The following ZC3H3 variants were observed in gnomAD, a reference collection of about 807,000 sequenced individuals.
The protein encoded by ZC3H3 is zinc finger CCCH domain-containing protein 3.
A neutral mutation model predicts 77.3 loss-of-function variants in ZC3H3; 36 were observed. The ratio of observed to expected loss-of-function variants is 0.47; its 90% CI spans 0.36 to 0.61. ZC3H3 has a LOEUF of 0.61. Ranked by LOEUF, ZC3H3 falls within the 20% of genes least tolerant of loss-of-function variation. ZC3H3 has a pLI of 0.00. For synonymous variants in ZC3H3, 626 were observed against 555.2 expected, an observed-to-expected ratio of 1.13 and a Z score of -1.79; for missense variants, 1,331 against 1,312.2, an observed-to-expected ratio of 1.01 and a Z score of -0.22.
In ZC3H3 at chr8:143,475,530, G is replaced by A. The variant is rs749312899; in HGVS notation, c.1771C>T (p.Pro591Ser). 1.9e-5 allele frequency: 30 copies of A among 1,611,240 alleles called. No homozygotes were observed. In the East Asian group the frequency reaches 6.7e-4, roughly 36 times the overall value. The change falls in exon 5 of 12, where the codon CCG becomes TCG. Residue 591 changes from proline to serine, a missense_variant. Around this residue, in one of 3 missense-constraint regions of ZC3H3, gnomAD observed 978 missense variants for 915.5 expected, o/e 1.07. Transcript: ENST00000262577. ...TTGCTCCGCCACCAAGGGGAGCCCG[G>A]TTGGGCTTTCCCACCCCCGCTGGCA... ...PVASGGGKAQPGSPWWRSKGY... is the reference protein window; with the variant it reads ...PVASGGGKAQSGSPWWRSKGY...
intron 3 of ZC3H3, among the ~76,000 whole-genome samples, chr8:143,527,182 TGA>T (rs1054926902): frequency 6.6e-6 from 1 of 152,152 alleles, no homozygotes; most frequent in African/African-American, 2.4e-5. Context: ...GGTGGACTCC[TGA>T]GAGAGGCCAC....
chr8:143,455,239 A>G lies in ZC3H3; in HGVS notation c.2307+10478T>C, dbSNP rs60206661. Among the ~76,000 whole-genome samples, 219 of 152,262 alleles carry G rather than the reference A, an allele frequency of 1.4e-3. 1 individual carries two copies. The highest frequency in any genetic ancestry group is 4.6e-3 in the African/African-American group (192 of 41,560). On this transcript the variant is annotated intron_variant, in intron 9 of 11. Coordinates refer to ENST00000262577, the MANE Select transcript of ZC3H3 (RefSeq NM_015117.3). The stretch of plus-strand genomic sequence containing the variant: ...TGAAAAAGGAGAATCACTTGAACCC[A>G]GGAGATGGAGGGTGCAGTGAGCCAA...
intron 9 of ZC3H3, among the ~76,000 whole-genome samples, chr8:143,456,293 A>C (rs1439472103): frequency 1.3e-5 from 2 of 152,222 alleles, no homozygotes; most frequent in Non-Finnish European, 2.9e-5. Flanking sequence ...TGATACACTT[A>C]AGCCCTAATA....
rs1821129138 is a variant in ZC3H3, at chr8:143,489,159, G to A, written c.1716-13574C>T. Reference sequence around the variant, plus strand: ...TCAGCTTGTGTCTACCTGGCCAAATGTCATTGCCTGCAGGGAGCCTTCCAG... The same window carrying A: ...TCAGCTTGTGTCTACCTGGCCAAATATCATTGCCTGCAGGGAGCCTTCCAG... On this transcript the variant is annotated intron_variant, in intron 4 of 11. Transcript: ENST00000262577. Among the ~76,000 whole-genome samples the A allele has an allele frequency of 2.0e-5, 3 of 152,246 alleles. No individual in the cohort carries two copies. In the South Asian group the frequency reaches 6.2e-4, roughly 32 times the overall value.
Position 143,468,556 on chromosome 8 carries a change from G to A in ZC3H3, c.1947-16C>T. 6.2e-7 allele frequency: 1 copy of A among 1,604,298 alleles called. No homozygotes were observed. Among genetic ancestry groups the A allele is most frequent in the Non-Finnish European group, 8.5e-7 (1 of 1,176,168 alleles). On this transcript the variant is annotated splice_polypyrimidine_tract_variant and intron_variant, in intron 6 of 11. Transcript: ENST00000262577. ...CACTGCCCGGCTGCAGACGGGGAGA[G>A]AGGTGCGTGAGCCTGAGGGCGAGCA...
intron 4 of ZC3H3, among the ~76,000 whole-genome samples, chr8:143,481,435 TGAG>T (rs1231907564): frequency 2.6e-5 from 4 of 152,106 alleles, no homozygotes; most frequent in African/African-American, 9.6e-5. Context: ...TGTCTGTGCT[TGAG>T]GAGAACACCT....
chr8:143,476,860 C>G (rs1820748610), intron 4 of ZC3H3, among the ~76,000 whole-genome samples: 1 of 152,252 alleles, frequency 6.6e-6, no homozygotes, highest in African/African-American at 2.4e-5. Context: ...CTGAGCCCCC[C>G]AACCCATCCA....
chr8:143,538,819 C>T lies in ZC3H3; in HGVS notation c.548G>A (p.Cys183Tyr), dbSNP rs149056367. 129 of 1,612,226 alleles carry T rather than the reference C, an allele frequency of 8.0e-5. No homozygotes were observed. The highest frequency in any genetic ancestry group is 1.1e-4 in the Non-Finnish European group (125 of 1,179,750). ...PSRPTRARGT[C>Y]SVEDPLLVCQ... is the part of the protein sequence containing the mutation. ...GACCAGAAGAGGATCTTCCACACTG[C>T]AGGTCCCCCTGGCTCTTGTTGGCCT... The change falls in exon 2 of 12, where the codon TGC becomes TAC. Residue 183 changes from cysteine (C) to tyrosine (Y), a missense_variant. This residue lies in a region of ZC3H3 where 978 missense variants were observed against 915.5 expected (regional missense o/e 1.07). Transcript: ENST00000262577.
intron 4 of ZC3H3, among the ~76,000 whole-genome samples, chr8:143,481,770 A>G (rs1169183343): frequency 6.6e-6 from 1 of 152,150 alleles, no homozygotes; most frequent in East Asian, 1.9e-4. Flanking sequence ...TCCTGCTCCC[A>G]CAGCCAGGCC....
intron 3 of ZC3H3, among the ~76,000 whole-genome samples, chr8:143,516,289 C>T (rs1267858250): frequency 2.0e-5 from 3 of 152,184 alleles, no homozygotes; most frequent in Admixed American, 6.5e-5. Context: ...GGACCTCAAA[C>T]GCTGCAGACA....
intron 3 of ZC3H3, among the ~76,000 whole-genome samples, chr8:143,532,425 C>A (rs1401804211): frequency 6.6e-6 from 1 of 152,240 alleles, no homozygotes; most frequent in Non-Finnish European, 1.5e-5. Flanking sequence ...GGGACACTGC[C>A]GTCTCCTTGA....
At chr8:143,512,873 C>G (rs546226573) in intron 3 of ZC3H3, among the ~76,000 whole-genome samples, 2 of 152,286 alleles carry the variant, frequency 1.3e-5, no homozygotes, top group East Asian at 3.9e-4. Flanking sequence ...CTCAGTGGCG[C>G]GGGGAGGTAC....
intron 5 of ZC3H3, among the ~76,000 whole-genome samples, chr8:143,474,905 G>A (rs1489775849): frequency 2.0e-5 from 3 of 152,248 alleles, no homozygotes; most frequent in African/African-American, 2.4e-5. Flanking sequence ...TCGCCAATGC[G>A]ATTACGGGCG....
At chr8:143,480,695 C>A (rs929123561) in intron 4 of ZC3H3, among the ~76,000 whole-genome samples, 1 of 152,242 alleles carries the variant, frequency 6.6e-6, no homozygotes, top group African/African-American at 2.4e-5. Context: ...GTCCAGCCCT[C>A]TGAGCACCCG....
chr8:143,482,968 C>T (rs1358160459), intron 4 of ZC3H3, among the ~76,000 whole-genome samples: 1 of 152,140 alleles, frequency 6.6e-6, no homozygotes, highest in African/African-American at 2.4e-5. Flanking sequence ...GTGTGTGGGC[C>T]GGGGACCCAG....
intron 5 of ZC3H3, among the ~76,000 whole-genome samples, 167 bp downstream of exon 5, chr8:143,475,231 T>A (rs112839016): frequency 4.5e-4 from 69 of 152,356 alleles, no homozygotes; most frequent in African/African-American, 1.6e-3. Context: ...TTGTTTGGAC[T>A]GGCTCCCTGG....
At chr8:143,473,864 G>A (rs574576743) in intron 5 of ZC3H3, among the ~76,000 whole-genome samples, 36 of 152,308 alleles carry the variant, frequency 2.4e-4, no homozygotes, top group African/African-American at 8.4e-4. Flanking sequence ...GCCAGAGACT[G>A]GCCAGGGGCT....
intron 3 of ZC3H3, among the ~76,000 whole-genome samples, chr8:143,529,495 G>A (rs1417712120): frequency 6.6e-6 from 1 of 152,182 alleles, no homozygotes; most frequent in African/African-American, 2.4e-5. Flanking sequence ...AGGGCCCCAG[G>A]GACCTCTGAG....
At position 143,538,056 on chromosome 8, in the gene ZC3H3, C is replaced by T. The variant is rs778444385; in HGVS notation, c.1311G>A (p.Ser437=). 1.1e-5 allele frequency: 18 copies of T among 1,612,174 alleles called. No homozygotes were observed. The South Asian group carries it at 1.3e-4, about 12-fold the overall frequency. The change falls in exon 2 of 12, where the codon TCG becomes TCA. Residue 437 remains serine, a synonymous_variant. Transcript: ENST00000262577. ...LKPLSGETPL[S]AYKVKSRTKI... is the part of the protein sequence containing the mutation. ...TGGTGCGGCTCTTCACTTTGTAAGCCGAGAGCGGGGTCTCCCCAGAGAGGG... is the reference window on the plus strand; with the variant it reads ...TGGTGCGGCTCTTCACTTTGTAAGCTGAGAGCGGGGTCTCCCCAGAGAGGG...
Sources: allele counts gnomAD v4.1 joint callset (sites outside exome capture counted in the v4.1 genomes callset), GRCh38; gene constraint gnomAD v4.1.1; regional missense constraint gnomAD v4.1.1; transcripts MANE v1.5; gene names NCBI Gene and HGNC (gene_info 2026-07-23, HGNC 2026-07-21).